The following DGKD variants were observed in gnomAD, a reference collection of about 807,000 sequenced individuals.
DGKD encodes the protein diacylglycerol kinase delta.
Under a neutral mutation model 154.4 loss-of-function variants are expected in DGKD, and 68 were observed. The observed-to-expected ratio is 0.44, with a 90% CI of 0.36 to 0.54. The LOEUF (loss-of-function observed/expected upper bound fraction) is 0.54, where lower values mean the gene tolerates loss of function less well. Ranked by LOEUF, DGKD falls within the 20% of genes least tolerant of loss-of-function variation. The pLI, the probability that DGKD is intolerant of heterozygous loss-of-function variation, is 0.00. For missense variants in DGKD, 1,343 were observed against 1,593.6 expected (o/e 0.84, Z 2.68); for synonymous variants, 693 against 638.0 (o/e 1.09, Z -1.30).
intron 3 of DGKD, among the ~76,000 whole-genome samples, chr2:233,400,919 C>T (rs760788757): frequency 1.3e-4 from 20 of 152,042 alleles, no homozygotes; most frequent in African/African-American, 1.7e-4. Context: ...TTATGCTACG[C>T]GGTATTTCCA....
Position 233,434,824 on chromosome 2 carries a change from C to G in DGKD, c.509C>G (p.Ser170Cys). 4 of 1,614,226 alleles carry G rather than the reference C, an allele frequency of 2.5e-6. No individual in the cohort carries two copies. In the African/African-American group the frequency reaches 4.0e-5, roughly 16 times the overall value. The change falls in exon 5 of 30, where the codon TCC becomes TGC. Residue 170 changes from serine (S) to cysteine (C), a missense_variant. By Grantham distance (112) the Ser-to-Cys change is moderately radical. This residue lies in a region of DGKD where 332 missense variants were observed against 400.1 expected (regional missense o/e 0.83). Coordinates refer to ENST00000264057, the MANE Select transcript of DGKD (RefSeq NM_152879.3). The part of the protein sequence containing the change: ...FSGMHNWYAC[S>C]HARPTYCNVC... The stretch of plus-strand genomic sequence containing the variant: ...GGGATGCACAATTGGTACGCCTGTT[C>G]CCACGCGAGGCCGACCTACTGCAAT...
rs546760791 is a variant in DGKD, at chr2:233,425,169, A to G, written c.349-9211A>G. ...TTTTTTTTTAATCCTTAACATATAA[A>G]CGTAAGACTTTATTTTTATTTATTT... On this transcript the variant is annotated intron_variant, in intron 3 of 29. Transcript: ENST00000264057. 2.0e-5 allele frequency among the ~76,000 whole-genome samples: 3 copies of G among 152,000 alleles called. No homozygotes were observed. The East Asian group carries it at 5.8e-4, about 29-fold the overall frequency.
intron 3 of DGKD, among the ~76,000 whole-genome samples, chr2:233,427,159 TTCTC>T (rs911789335): frequency 9.2e-5 from 14 of 151,990 alleles, no homozygotes; most frequent in Non-Finnish European, 1.6e-4. Flanking sequence ...TCACGTTTCT[TTCTC>T]CAGTCATCAA....
intron 3 of DGKD, among the ~76,000 whole-genome samples, chr2:233,416,247 G>T (rs773263119): frequency 1.3e-5 from 2 of 152,014 alleles, no homozygotes; most frequent in Non-Finnish European, 2.9e-5. Flanking sequence ...TTCCCTCCTC[G>T]TGTGGCTTTG....
Position 233,445,780 on chromosome 2 carries a change from C to T in DGKD, c.1334+18C>T. ...CTGGACAGGTGAGTGGGGATGTGCT[C>T]CGGTGCCGTATGAGGAGACTTTGAG... is the stretch of plus-strand genomic sequence containing the variant. On this transcript the variant is annotated intron_variant, in intron 11 of 29. Coordinates refer to ENST00000264057, the MANE Select transcript of DGKD (RefSeq NM_152879.3). The surrounding 1 kb of genome is among the most constrained non-coding windows in gnomAD (Gnocchi z 5.5). 3 of 1,599,238 alleles carry T rather than the reference C, an allele frequency of 1.9e-6. No homozygotes were observed. Among genetic ancestry groups the T allele is most frequent in the Non-Finnish European group, 1.7e-6 (2 of 1,171,648 alleles).
At position 233,438,093 on chromosome 2, in the gene DGKD, C is replaced by A; in HGVS notation, c.923-124C>A. On this transcript the variant is annotated intron_variant, in intron 8 of 29. Transcript: ENST00000264057. This position sits in a 1 kb window ranked among gnomAD's most constrained non-coding sequence, Gnocchi z 4.1. ...GAACTGTTCACTGACCTCCTCCTGACTTACAGGTGTGCATGTGTCAGGTGT... is the reference window on the plus strand; with the variant it reads ...GAACTGTTCACTGACCTCCTCCTGAATTACAGGTGTGCATGTGTCAGGTGT... 1 of 1,108,934 alleles carries A rather than the reference C, an allele frequency of 9.0e-7. No individual in the cohort carries two copies. Among genetic ancestry groups the A allele is most frequent in the Non-Finnish European group, 1.3e-6 (1 of 763,742 alleles). The allele number at this position is 1,108,934 out of a possible 1,614,324, so 68.7% of individuals were successfully genotyped here.
intron 1 of DGKD, among the ~76,000 whole-genome samples, chr2:233,361,738 G>A (rs1050312859): frequency 6.6e-6 from 1 of 152,216 alleles, no homozygotes; most frequent in Non-Finnish European, 1.5e-5. Flanking sequence ...TGGAGGTCAC[G>A]AGTTTGAGAC....
intron 3 of DGKD, among the ~76,000 whole-genome samples, chr2:233,394,506 A>T (rs190623183): frequency 8.9e-4 from 136 of 152,036 alleles, no homozygotes; most frequent in African/African-American, 3.2e-3. Flanking sequence ...GGCCTCCCAA[A>T]GTGCTGGGAT....
Position 233,448,141 on chromosome 2 carries a change from C to G in DGKD, c.1474C>G (p.Leu492Val). Residue 492 changes from leucine (L) to valine (V), a missense_variant, in exon 13 of 30, where the codon CTC becomes GTC. Leu to Val is a conservative substitution (Grantham distance 32, BLOSUM62 1). Transcript: ENST00000264057. ...GGTTGCAGCCCACCTTTCTAAAATCCTCACCTCGGACCAGCACTCGGTGGT... is the reference window on the plus strand; with the variant it reads ...GGTTGCAGCCCACCTTTCTAAAATCGTCACCTCGGACCAGCACTCGGTGGT... ...DSVAAHLSKI[L>V]TSDQHSVVIS... The G allele has an allele frequency of 6.2e-7, 1 of 1,614,114 alleles. No homozygotes were observed. Among genetic ancestry groups the G allele is most frequent in the Non-Finnish European group, 8.5e-7 (1 of 1,180,012 alleles).
In DGKD at chr2:233,428,775, GC is replaced by G. The variant is rs2062402188; in HGVS notation, c.349-5600del. Among the ~76,000 whole-genome samples, 3 of 152,266 alleles carry G rather than the reference GC, an allele frequency of 2.0e-5. No individual in the cohort carries two copies. The South Asian group carries it at 6.2e-4, about 32-fold the overall frequency. ...TCTTGACGAGAAGCAAAGAGGGTCT[GC>G]CCCCATTTCGCAAATTTATCAGTGG... On this transcript the variant is annotated intron_variant, in intron 3 of 29. Transcript: ENST00000264057.
At position 233,438,304 on chromosome 2, in the gene DGKD, A is replaced by G. The variant is rs754424806; in HGVS notation, c.1010A>G (p.Lys337Arg). The G allele has an allele frequency of 1.4e-5, 23 of 1,614,090 alleles. No individual in the cohort carries two copies. The African/African-American group carries it at 2.5e-4, about 18-fold the overall frequency. The change falls in exon 9 of 30, where the codon AAG becomes AGG. Residue 337 changes from lysine (K) to arginine (R), a missense_variant. This residue lies in a region of DGKD where 332 missense variants were observed against 400.1 expected (regional missense o/e 0.83). Transcript: ENST00000264057. The surrounding 1 kb of genome is among the most constrained non-coding windows in gnomAD (Gnocchi z 4.1). ...NSKSGDNQGV[K>R]FLRRFKQLLN... is the part of the protein sequence containing the mutation. ...AAAAGTGGGGACAACCAGGGTGTGAAGTTCCTCAGAAGATTCAAACAGCTA... is the reference window on the plus strand; with the variant it reads ...AAAAGTGGGGACAACCAGGGTGTGAGGTTCCTCAGAAGATTCAAACAGCTA...
intron 1 of DGKD, among the ~76,000 whole-genome samples, chr2:233,366,548 C>T (rs1180361374): frequency 6.6e-6 from 1 of 152,140 alleles, no homozygotes; most frequent in Admixed American, 6.5e-5. Flanking sequence ...TTACCTGGCT[C>T]TGCTGCATGC....
At position 233,452,148 on chromosome 2, in the gene DGKD, A is replaced by C; in HGVS notation, c.2264+88A>C. The C allele has an allele frequency of 7.9e-7, 1 of 1,266,208 alleles. No individual in the cohort carries two copies. Among genetic ancestry groups the C allele is most frequent in the South Asian group, 1.2e-5 (1 of 81,824 alleles). The allele number at this position is 1,266,208 out of a possible 1,614,324, so 78.4% of individuals were successfully genotyped here. On this transcript the variant is annotated intron_variant, in intron 18 of 29. Coordinates refer to ENST00000264057, the MANE Select transcript of DGKD (RefSeq NM_152879.3). The surrounding 1 kb of genome is among the most constrained non-coding windows in gnomAD (Gnocchi z 4.0). ...GATCTCAGGATTAACTAGAGAAATTAGTGAGCAGTTGCCCAGCTGGTGGTA... is the reference window on the plus strand; with the variant it reads ...GATCTCAGGATTAACTAGAGAAATTCGTGAGCAGTTGCCCAGCTGGTGGTA...
At chr2:233,437,521 C>T (rs766322342) in intron 8 of DGKD, 42 bp downstream of exon 8, 17 of 1,567,204 alleles carry the variant, frequency 1.1e-5, no homozygotes, top group South Asian at 1.1e-5. Context: ...CACGCCCACA[C>T]GCTTCCTTCT....
At chr2:233,462,038 G>T (rs1397629546) in intron 24 of DGKD, among the ~76,000 whole-genome samples, 1 of 152,248 alleles carries the variant, frequency 6.6e-6, no homozygotes, top group African/African-American at 2.4e-5. Flanking sequence ...CAGTGGGCCT[G>T]TGCACACTGT....
chr2:233,449,863 C>A lies in DGKD; in HGVS notation c.1889-119C>A. ...GGGGTTTCGGAGTCCAAGCCTTTAG[C>A]CAGAGGTTGTTTGAGGAAGATCAGG... On this transcript the variant is annotated intron_variant, in intron 15 of 29. Coordinates refer to ENST00000264057, the MANE Select transcript of DGKD (RefSeq NM_152879.3). This position sits in a 1 kb window ranked among gnomAD's most constrained non-coding sequence, Gnocchi z 5.3. 1.6e-6 allele frequency: 2 copies of A among 1,266,588 alleles called. No individual in the cohort carries two copies. The highest frequency in any genetic ancestry group is 2.1e-6 in the Non-Finnish European group (2 of 939,866). The allele number at this position is 1,266,588 out of a possible 1,614,324, so 78.5% of individuals were successfully genotyped here. A position where few individuals can be genotyped will look rare whatever the true frequency, so the allele number is the denominator to read the frequency against.
intron 1 of DGKD, among the ~76,000 whole-genome samples, chr2:233,363,279 T>C (rs1701868521): frequency 6.6e-6 from 1 of 152,030 alleles, no homozygotes; most frequent in Non-Finnish European, 1.5e-5. Context: ...TCTGTGTAGG[T>C]CTAGGCTAAT....
chr2:233,430,995 A>G (rs1036017415), intron 3 of DGKD, among the ~76,000 whole-genome samples: 4 of 152,220 alleles, frequency 2.6e-5, no homozygotes, highest in Non-Finnish European at 5.9e-5. Flanking sequence ...CAACAACAAA[A>G]AAAGAAATAA....
Position 233,445,459 on chromosome 2 carries a change from C to T in DGKD, c.1195-164C>T, listed in dbSNP as rs1410604872. Among the ~76,000 whole-genome samples, 2 of 152,120 alleles carry T rather than the reference C, an allele frequency of 1.3e-5. No individual in the cohort carries two copies. The highest frequency in any genetic ancestry group is 4.8e-5 in the African/African-American group (2 of 41,426). On this transcript the variant is annotated intron_variant, in intron 10 of 29. Coordinates refer to ENST00000264057, the MANE Select transcript of DGKD (RefSeq NM_152879.3). The surrounding 1 kb of genome is among the most constrained non-coding windows in gnomAD (Gnocchi z 5.5). ...ATTGCCAAGGAAAATGCCATCTGTC[C>T]CCTCCAGTGGGCTCTGCCTGTAATG... is the stretch of plus-strand genomic sequence containing the variant.
Sources: allele counts gnomAD v4.1 joint callset (sites outside exome capture counted in the v4.1 genomes callset), GRCh38; gene constraint gnomAD v4.1.1; regional missense constraint gnomAD v4.1.1; non-coding constraint Gnocchi (gnomAD v3.1); transcripts MANE v1.5; gene names NCBI Gene and HGNC (gene_info 2026-07-23, HGNC 2026-07-21).